Variants in DLG2 observed in about 807,000 individuals in gnomAD.
The protein encoded by DLG2 is disks large homolog 2.
A neutral mutation model predicts 132.5 loss-of-function variants in DLG2; 45 were observed. The observed-to-expected ratio is 0.34, with a 90% CI of 0.27 to 0.44. DLG2 has a LOEUF of 0.44. Among genes scored for constraint, DLG2 ranks in the 20% least tolerant of loss-of-function variants. DLG2 has a pLI of 1.00. For synonymous variants in DLG2, 424 were observed against 419.6 expected (o/e 1.01, Z -0.13); for missense variants, 1,045 against 1,196.9 (o/e 0.87, Z 1.87).
chr11:83,532,600 T>C, intron 21 of DLG2, 108 bp downstream of exon 21: 1 of 865,898 alleles, frequency 1.2e-6, no homozygotes, highest in Non-Finnish European at 1.9e-6. Context: ...AGTGCTCTAC[T>C]GTCTGGTACC....
intron 3 of DLG2, among the ~76,000 whole-genome samples, chr11:85,461,813 A>G (rs1041897847): frequency 6.6e-6 from 1 of 152,214 alleles, no homozygotes; most frequent in African/African-American, 2.4e-5. Context: ...GGATCTAATT[A>G]AACTAAAGAA....
chr11:83,962,665 T>C (rs2154157053), intron 14 of DLG2, among the ~76,000 whole-genome samples: 1 of 152,182 alleles, frequency 6.6e-6, no homozygotes, highest in Admixed American at 6.5e-5. Context: ...CAAAGTGATG[T>C]ATAAGTGTAT....
intron 6 of DLG2, among the ~76,000 whole-genome samples, chr11:84,973,995 T>C (rs549510325): frequency 7.9e-5 from 12 of 152,334 alleles, no homozygotes; most frequent in African/African-American, 2.9e-4. Flanking sequence ...CACCATTTAT[T>C]TACTTATTTA....
intron 6 of DLG2, among the ~76,000 whole-genome samples, chr11:84,571,369 TTCC>T (rs1022943481): frequency 1.3e-5 from 2 of 151,952 alleles, no homozygotes; most frequent in African/African-American, 4.8e-5. Context: ...TTGCCTCTTC[TTCC>T]TCCTCCTCCT....
At chr11:85,475,859 C>G (rs1463600054) in intron 3 of DLG2, among the ~76,000 whole-genome samples, 1 of 152,082 alleles carries the variant, frequency 6.6e-6, no homozygotes, top group Non-Finnish European at 1.5e-5. Flanking sequence ...AACATCCATG[C>G]TCTTAACTAC....
intron 3 of DLG2, among the ~76,000 whole-genome samples, chr11:85,352,283 A>C (rs1203794827): frequency 6.6e-6 from 1 of 151,992 alleles, no homozygotes; most frequent in Admixed American, 6.6e-5. Context: ...TATTGCGTCT[A>C]TTTGATTCTT....
chr11:83,603,545 T>C (rs1384395913), intron 19 of DLG2, among the ~76,000 whole-genome samples: 1 of 152,182 alleles, frequency 6.6e-6, no homozygotes, highest in East Asian at 1.9e-4. Flanking sequence ...CTGAGTAATA[T>C]TTTTAATTTT....
chr11:85,591,036 C>G (rs2079295250), intron 3 of DLG2, among the ~76,000 whole-genome samples: 1 of 152,130 alleles, frequency 6.6e-6, no homozygotes, highest in African/African-American at 2.4e-5. Flanking sequence ...TTAAATGGTG[C>G]CATCTGGTGA....
chr11:83,886,105 C>A (rs190713739), intron 15 of DLG2, among the ~76,000 whole-genome samples: 2 of 152,180 alleles, frequency 1.3e-5, no homozygotes, highest in East Asian at 3.9e-4. Flanking sequence ...ACAATATTAA[C>A]CTTAACTGTA....
At chr11:84,159,637 T>A (rs528594959) in intron 9 of DLG2, among the ~76,000 whole-genome samples, 1 of 152,152 alleles carries the variant, frequency 6.6e-6, no homozygotes, top group Non-Finnish European at 1.5e-5. Flanking sequence ...GTAATGATAA[T>A]GAAGTTAATT....
chr11:85,268,002 G>A (rs1038467454), intron 4 of DLG2, among the ~76,000 whole-genome samples: 2 of 151,996 alleles, frequency 1.3e-5, no homozygotes, highest in Non-Finnish European at 2.9e-5. Flanking sequence ...ACTGCTCCCT[G>A]TATTTAATTA....
chr11:84,942,143 T>G (rs1288813391), intron 6 of DLG2, among the ~76,000 whole-genome samples: 1 of 152,212 alleles, frequency 6.6e-6, no homozygotes, highest in Non-Finnish European at 1.5e-5. Context: ...CTTTTTTTCT[T>G]AGTTGGTCTG....
At chr11:84,725,528 T>C (rs745373052) in intron 6 of DLG2, among the ~76,000 whole-genome samples, 1 of 152,186 alleles carries the variant, frequency 6.6e-6, no homozygotes, top group African/African-American at 2.4e-5. Context: ...GAGAGGGATA[T>C]GAATGTCTTT....
chr11:84,686,057 A>C (rs1030327103), intron 6 of DLG2, among the ~76,000 whole-genome samples: 5 of 152,170 alleles, frequency 3.3e-5, no homozygotes, highest in Admixed American at 1.3e-4. Flanking sequence ...ACAAGATCTA[A>C]AGCACTGAAC....
chr11:85,158,307 C>T (rs113966329), intron 4 of DLG2, among the ~76,000 whole-genome samples: 2 of 151,128 alleles, frequency 1.3e-5, no homozygotes, highest in African/African-American at 2.4e-5. Context: ...TGTTGCAGCT[C>T]GAGTGAAAAA....
intron 3 of DLG2, among the ~76,000 whole-genome samples, chr11:85,489,427 C>T (rs1163099225): frequency 6.6e-6 from 1 of 152,082 alleles, no homozygotes; most frequent in African/African-American, 2.4e-5. Flanking sequence ...TATTATTAGA[C>T]CTACAGAGAG....
At chr11:84,705,090 T>C (rs1423596822) in intron 6 of DLG2, among the ~76,000 whole-genome samples, 2 of 151,604 alleles carry the variant, frequency 1.3e-5, no homozygotes, top group Non-Finnish European at 3.0e-5. Context: ...TTCTGCCTAG[T>C]TGGCCAGAAT....
At chr11:83,499,575 T>C (rs1356213898) in intron 21 of DLG2, among the ~76,000 whole-genome samples, 1 of 151,448 alleles carries the variant, frequency 6.6e-6, no homozygotes, top group Non-Finnish European at 1.5e-5. Context: ...CAAGAATGTA[T>C]CATGATTGCT....
At chr11:84,891,202 G>A (rs2089325668) in intron 6 of DLG2, among the ~76,000 whole-genome samples, 1 of 152,052 alleles carries the variant, frequency 6.6e-6, no homozygotes, top group South Asian at 2.1e-4. Context: ...CATTTTAAAA[G>A]ACTACACAGT....
Sources: allele counts gnomAD v4.1 joint callset (sites outside exome capture counted in the v4.1 genomes callset), GRCh38; gene constraint gnomAD v4.1.1; transcripts MANE v1.5; gene names NCBI Gene and HGNC (gene_info 2026-07-23, HGNC 2026-07-21).